USF3: variants seen among roughly 807,000 people sequenced by gnomAD.
The protein encoded by USF3 is upstream transcription factor family member 3.
A neutral mutation model predicts 157.5 loss-of-function variants in USF3; 29 were observed. The observed-to-expected ratio is 0.18, with a 90% CI of 0.14 to 0.25. The LOEUF (loss-of-function observed/expected upper bound fraction) is 0.25. USF3 is among the 10% of genes least tolerant of loss of function. USF3 has a pLI of 1.00. For synonymous variants in USF3, 893 were observed against 941.4 expected (o/e 0.95, Z 0.94); for missense variants, 2,381 against 2,667.6 (o/e 0.89, Z 2.37).
intron 1 of USF3, among the ~76,000 whole-genome samples, chr3:113,686,635 G>T (rs557901164): frequency 5.3e-4 from 80 of 152,286 alleles, no homozygotes; most frequent in African/African-American, 1.9e-3. Flanking sequence ...CAGCATGGGG[G>T]CAACTGCTGG....
At chr3:113,691,072 C>A (rs572857562) in intron 1 of USF3, among the ~76,000 whole-genome samples, 1 of 152,152 alleles carries the variant, frequency 6.6e-6, no homozygotes, top group South Asian at 2.1e-4. Flanking sequence ...ACCTGTAATC[C>A]CAGCTAATCA....
chr3:113,656,189 C>T lies in USF3; in HGVS notation c.5493G>A (p.Gln1831=), dbSNP rs746164608. The change falls in exon 7 of 7, where the codon CAG becomes CAA. Residue 1831 remains glutamine, a synonymous_variant. Transcript: ENST00000316407. The part of the protein sequence containing the change: ...QSLLAPHLSD[Q]VIGSQRSLSE... Reference sequence around the variant, plus strand: ...AGAGTGACCTCTGGCTCCCAATGACCTGATCACTGAGGTGAGGGGCAAGTA... The same window carrying T: ...AGAGTGACCTCTGGCTCCCAATGACTTGATCACTGAGGTGAGGGGCAAGTA... 52 of 1,614,026 alleles carry T rather than the reference C, an allele frequency of 3.2e-5. No homozygotes were observed. Among genetic ancestry groups the T allele is most frequent in the Non-Finnish European group, 4.3e-5 (51 of 1,180,032 alleles).
Position 113,660,918 on chromosome 3 carries a change from G to A in USF3, c.764C>T (p.Ser255Leu), listed in dbSNP as rs201723458. ...ESNVLGATSG[S>L]LIAVSIESEP... ...AGATTCAATTGAAACAGCAATCAGT[G>A]AGCCACTAGTGGCACCAAGCACATT... Residue 255 changes from serine (S) to leucine (L), a missense_variant, in exon 7 of 7, where the codon TCA becomes TTA. Around this residue, in one of 6 missense-constraint regions of USF3, gnomAD observed 1,435 missense variants for 1,550.9 expected, o/e 0.93. Transcript: ENST00000316407. 57 of 1,614,038 alleles carry A rather than the reference G, an allele frequency of 3.5e-5. No homozygotes were observed. Among genetic ancestry groups the A allele is most frequent in the Admixed American group, 2.5e-4 (15 of 59,996 alleles).
In USF3 at chr3:113,655,862, T is replaced by C; in HGVS notation, c.5820A>G (p.Thr1940=). 1 of 1,614,174 alleles carries C rather than the reference T, an allele frequency of 6.2e-7. No individual in the cohort carries two copies. ...ATKGHMNPPV[T]TNMHGVARPA... is the part of the protein sequence containing the mutation. ...GCCTTGCAACCCCATGCATGTTGGT[T>C]GTGACTGGAGGGTTCATGTGGCCCT... The change falls in exon 7 of 7, where the codon ACA becomes ACG. Residue 1940 remains threonine (T), a synonymous_variant. Coordinates refer to ENST00000316407, the MANE Select transcript of USF3 (RefSeq NM_001009899.4).
chr3:113,658,926 T>C lies in USF3; in HGVS notation c.2756A>G (p.Glu919Gly). ...SKDSTPNLQQ[E>G]TSQDKPPSSL... ...ACTTGGTGGTTTATCCTGAGATGTCTCTTGTTGTAGATTAGGGGTAGAATC... is the reference window on the plus strand; with the variant it reads ...ACTTGGTGGTTTATCCTGAGATGTCCCTTGTTGTAGATTAGGGGTAGAATC... The change falls in exon 7 of 7, where the codon GAG (glutamate) becomes GGG (glycine). Residue 919 changes from glutamate (E) to glycine (G), a missense_variant. Transcript: ENST00000316407. The C allele has an allele frequency of 6.2e-7, 1 of 1,614,216 alleles. No individual in the cohort carries two copies. The highest frequency in any genetic ancestry group is 1.6e-4 in the Middle Eastern group (1 of 6,062).
chr3:113,657,157 C>T lies in USF3; in HGVS notation c.4525G>A (p.Val1509Ile). ...ESSVHSQPHNVHQQRTLQQEV... is the reference protein window; with the variant it reads ...ESSVHSQPHNIHQQRTLQQEV... ...TGTTGCAGAGTCCTCTGTTGGTGGA[C>T]ATTATGGGGCTGAGAGTGGACAGAG... Residue 1509 changes from valine (V) to isoleucine (I), a missense_variant, in exon 7 of 7, where the codon GTC (valine) becomes ATC (isoleucine). Physicochemically the swap from Val to Ile is conservative, Grantham distance 29. This residue lies in a region of USF3 where 50 missense variants were observed against 79.7 expected (regional missense o/e 0.63). Transcript: ENST00000316407. 1 of 1,614,096 alleles carries T rather than the reference C, an allele frequency of 6.2e-7. No homozygotes were observed. The highest frequency in any genetic ancestry group is 8.5e-7 in the Non-Finnish European group (1 of 1,180,016).
intron 5 of USF3, among the ~76,000 whole-genome samples, chr3:113,667,034 A>G (rs999975138): frequency 6.6e-6 from 1 of 152,132 alleles, no homozygotes; most frequent in Non-Finnish European, 1.5e-5. Flanking sequence ...TCCAGGATAT[A>G]TATTATTAGC....
intron 1 of USF3, among the ~76,000 whole-genome samples, chr3:113,681,450 C>T (rs539722904): frequency 6.6e-6 from 1 of 152,110 alleles, no homozygotes; most frequent in Admixed American, 6.5e-5. Context: ...TTTAATTTCC[C>T]TGTATTCACA....
At position 113,660,985 on chromosome 3, in the gene USF3, C is replaced by A. The variant is rs776056279; in HGVS notation, c.697G>T (p.Ala233Ser). The A allele has an allele frequency of 6.2e-7, 1 of 1,614,074 alleles. No homozygotes were observed. Among genetic ancestry groups the A allele is most frequent in the Non-Finnish European group, 8.5e-7 (1 of 1,180,012 alleles). Residue 233 changes from alanine (A) to serine (S), a missense_variant, in exon 7 of 7, where the codon GCT becomes TCT. Around this residue, in one of 6 missense-constraint regions of USF3, gnomAD observed 1,435 missense variants for 1,550.9 expected, o/e 0.93. Coordinates refer to ENST00000316407, the MANE Select transcript of USF3 (RefSeq NM_001009899.4). Reference sequence around the variant, plus strand: ...GTGGGAAGCTCGAGAATACTCTGAGCAGAAATGGCAGCAGGAAGACAAAGA... The same window carrying A: ...GTGGGAAGCTCGAGAATACTCTGAGAAGAAATGGCAGCAGGAAGACAAAGA... ...VPLCLPAAIS[A>S]QSILELPTSE...
intron 1 of USF3, among the ~76,000 whole-genome samples, chr3:113,681,675 T>A (rs1357861849): frequency 6.7e-6 from 1 of 149,388 alleles, no homozygotes; most frequent in Non-Finnish European, 1.5e-5. Context: ...GTGCTGGGAT[T>A]AGGCATGAGC....
rs764199474 is a variant in USF3 at position 113,655,643 on chromosome 3, A to G, written c.6039T>C (p.His2013=). ...TACTGCCACCAGTAGAGAGAGGAAG[A>G]TGGGGAAGACTTGGATCAAAGACAG... ...QSTVFDPSLP[H]LPLSTGGSMI... The change falls in exon 7 of 7, where the codon CAT becomes CAC. Residue 2013 remains histidine, a synonymous_variant. Transcript: ENST00000316407. The G allele has an allele frequency of 6.2e-7, 1 of 1,613,880 alleles. No homozygotes were observed. Among genetic ancestry groups the G allele is most frequent in the Non-Finnish European group, 8.5e-7 (1 of 1,179,750 alleles).
rs956006750 is a variant in USF3, at chr3:113,650,129, C to T, written c.*4815G>A. 1 of 439,714 alleles carries T rather than the reference C, an allele frequency of 2.3e-6. No individual in the cohort carries two copies. The highest frequency in any genetic ancestry group is 2.0e-5 in the African/African-American group (1 of 49,614). The allele number at this position is 439,714 out of a possible 1,614,324, so 27.2% of individuals were successfully genotyped here. On this transcript the variant is annotated 3_prime_UTR_variant, in exon 7 of 7. Transcript: ENST00000316407. ...GCAAAGGTAGCATTTATATAGACAA[C>T]AAAATTACAAAAATGGCTTCCAGGC... is the stretch of plus-strand genomic sequence containing the variant.
At position 113,662,994 on chromosome 3, in the gene USF3, A is replaced by G. The variant is rs1187300514; in HGVS notation, c.256+1319T>C. The stretch of plus-strand genomic sequence containing the variant: ...CTGACCAAAGGGTACTGAGTGAGTA[A>G]ATGAAGCTGAGACTCAAACCTAGGA... On this transcript the variant is annotated intron_variant, in intron 6 of 6. Transcript: ENST00000316407. 1.3e-4 allele frequency among the ~76,000 whole-genome samples: 19 copies of G among 150,890 alleles called. No homozygotes were observed. The Admixed American group carries it at 1.3e-3, about 10-fold the overall frequency.
chr3:113,680,168 G>A (rs1707379886), intron 1 of USF3, among the ~76,000 whole-genome samples: 2 of 150,230 alleles, frequency 1.3e-5, no homozygotes, highest in South Asian at 4.2e-4. Context: ...TTCTTAACAG[G>A]ACTGGTATTA....
chr3:113,653,167 G>C lies in USF3; in HGVS notation c.*1777C>G, dbSNP rs1467140061. 1 of 167,212 alleles carries C rather than the reference G, an allele frequency of 6.0e-6. No homozygotes were observed. The highest frequency in any genetic ancestry group is 2.4e-5 in the African/African-American group (1 of 41,842). 10.4% of individuals were successfully genotyped at this position (167,212 alleles called of 1,614,324 possible). ...CTCCCACCCCATCCCATTTTTGGCA[G>C]AATATAACAAGAACAAAAAGTAATG... On this transcript the variant is annotated 3_prime_UTR_variant, in exon 7 of 7. Coordinates refer to ENST00000316407, the MANE Select transcript of USF3 (RefSeq NM_001009899.4).
In USF3 at chr3:113,670,208, A is replaced by G; in HGVS notation, c.77-5T>C. 1 of 1,575,034 alleles carries G rather than the reference A, an allele frequency of 6.3e-7. No individual in the cohort carries two copies. The highest frequency in any genetic ancestry group is 1.3e-5 in the African/African-American group (1 of 74,306). On this transcript the variant is annotated splice_region_variant and splice_polypyrimidine_tract_variant and intron_variant, in intron 4 of 6. Coordinates refer to ENST00000316407, the MANE Select transcript of USF3 (RefSeq NM_001009899.4). ...TCTTCTTTCTATGCCTCTCCACTAG[A>G]TGGGAGAAAATTCGTTTATCAAACC...
chr3:113,686,733 T>C (rs767479601), intron 1 of USF3, among the ~76,000 whole-genome samples: 7 of 152,230 alleles, frequency 4.6e-5, no homozygotes, highest in Non-Finnish European at 7.3e-5. Flanking sequence ...TTCTCAACAA[T>C]AATCACAGTA....
Position 113,654,840 on chromosome 3 carries a change from G to A in USF3, c.*104C>T. 7 of 1,251,878 alleles carry A rather than the reference G, an allele frequency of 5.6e-6. No individual in the cohort carries two copies. The highest frequency in any genetic ancestry group is 5.5e-6 in the Non-Finnish European group (5 of 912,662). 77.5% of individuals were successfully genotyped at this position (1,251,878 alleles called of 1,614,324 possible). ...AAGATAACTGAAAACTGATTATACA[G>A]ACACACACACACAATCCTTCTCTTC... On this transcript the variant is annotated 3_prime_UTR_variant, in exon 7 of 7. Transcript: ENST00000316407.
In USF3 at chr3:113,657,096, T is replaced by C; in HGVS notation, c.4586A>G (p.Gln1529Arg). 2 of 1,614,154 alleles carry C rather than the reference T, an allele frequency of 1.2e-6. No individual in the cohort carries two copies. The highest frequency in any genetic ancestry group is 1.7e-6 in the Non-Finnish European group (2 of 1,180,022). The change falls in exon 7 of 7, where the codon CAG becomes CGG. Residue 1529 changes from glutamine to arginine, a missense_variant. Gln to Arg is a conservative substitution (Grantham distance 43). Around this residue, in one of 6 missense-constraint regions of USF3, gnomAD observed 50 missense variants for 79.7 expected, o/e 0.63. Transcript: ENST00000316407. ...GGAAAGCTGAGAGGTCTGGGTGCCC[T>C]GAACAAGATTCCTCTTTTTCTGCAT... ...VQMQKKRNLVQGTQTSQLSLQ... is the reference protein window; with the variant it reads ...VQMQKKRNLVRGTQTSQLSLQ...
Sources: allele counts gnomAD v4.1 joint callset (sites outside exome capture counted in the v4.1 genomes callset), GRCh38; gene constraint gnomAD v4.1.1; regional missense constraint gnomAD v4.1.1; transcripts MANE v1.5; gene names NCBI Gene and HGNC (gene_info 2026-07-23, HGNC 2026-07-21).